The following PPIL2 variants were observed in gnomAD, a reference collection of about 807,000 sequenced individuals.
The protein encoded by PPIL2 is peptidylprolyl isomerase like 2, also known as RING-type E3 ubiquitin-protein ligase PPIL2.
In PPIL2, 50 loss-of-function variants were observed where a neutral mutation model predicts 75.2. The ratio of observed to expected loss-of-function variants is 0.66; its 90% CI spans 0.53 to 0.84. The LOEUF is 0.84. PPIL2 is among the 40% of genes least tolerant of loss of function. The pLI is 0.00. For synonymous variants in PPIL2, 245 were observed against 258.8 expected (o/e 0.95, Z 0.51); for missense variants, 590 against 685.0 (o/e 0.86, Z 1.55).
chr22:21,676,243 AGTGTGTGT>A lies in PPIL2; in HGVS notation c.295+1157_295+1164del, dbSNP rs36131221. Among the ~76,000 whole-genome samples the A allele has an allele frequency of 6.7e-4, 88 of 130,580 alleles. 1 individual carries two copies. Among genetic ancestry groups the A allele is most frequent in the Admixed American group, 2.7e-3 (35 of 13,086 alleles). 85.7% of individuals were successfully genotyped at this position (130,580 alleles called of 152,430 possible). On this transcript the variant is annotated intron_variant, in intron 6 of 19. Coordinates refer to ENST00000398831, the MANE Select transcript of PPIL2 (RefSeq NM_014337.4). ...GGCTGCCTCCCCTCCTGTGATCAGC[AGTGTGTGT>A]GTGTGTGTGTGTGTGTGTGTGTGTG...
chr22:21,682,243 G>A (rs1359373707), intron 7 of PPIL2, among the ~76,000 whole-genome samples, 194 bp from the exon 8 acceptor site: 3 of 152,166 alleles, frequency 2.0e-5, no homozygotes, highest in Non-Finnish European at 2.9e-5. Flanking sequence ...CTGGCTCATC[G>A]TCTGAGGCCC....
chr22:21,672,327 C>T lies in PPIL2; in HGVS notation c.192-3C>T. On this transcript the variant is annotated splice_region_variant and splice_polypyrimidine_tract_variant and intron_variant, in intron 4 of 19. Transcript: ENST00000398831. ...GATGCTTTCTGTTCTGTCTTCCCTT[C>T]AGGAACATTGTTCCATGGCTTAAGA... The T allele has an allele frequency of 6.2e-7, 1 of 1,610,962 alleles. No homozygotes were observed. Among genetic ancestry groups the T allele is most frequent in the South Asian group, 1.1e-5 (1 of 90,998 alleles).
intron 5 of PPIL2, among the ~76,000 whole-genome samples, chr22:21,674,618 T>C (rs1362797683): frequency 8.5e-5 from 13 of 152,130 alleles, no homozygotes; most frequent in Non-Finnish European, 2.9e-5. Flanking sequence ...GGAGAATCAC[T>C]TGAACTAGGG....
Position 21,696,018 on chromosome 22 carries a change from G to C in PPIL2, c.*528G>C. 1 of 551,706 alleles carries C rather than the reference G, an allele frequency of 1.8e-6. No individual in the cohort carries two copies. Among genetic ancestry groups the C allele is most frequent in the Non-Finnish European group, 2.3e-6 (1 of 428,426 alleles). The allele number at this position is 551,706 out of a possible 1,614,324, so 34.2% of individuals were successfully genotyped here. On this transcript the variant is annotated 3_prime_UTR_variant, in exon 20 of 20. Transcript: ENST00000398831. ...GTCTGGTTTTCTTACCCCTACTTCT[G>C]TCATCTTCTCAGGGACAGCCTATTT...
rs1470531468 is a variant in PPIL2 at position 21,695,601 on chromosome 22, C to G, written c.*111C>G. On this transcript the variant is annotated 3_prime_UTR_variant, in exon 20 of 20. Transcript: ENST00000398831. ...CCCTCTGCTGCCAGCCAATAAATTG[C>G]TTGCCTGCTGCCTGCATCCCCTTTC... 1.3e-6 allele frequency: 2 copies of G among 1,513,894 alleles called. No individual in the cohort carries two copies. Among genetic ancestry groups the G allele is most frequent in the African/African-American group, 2.8e-5 (2 of 72,142 alleles). The allele number at this position is 1,513,894 out of a possible 1,614,324, so 93.8% of individuals were successfully genotyped here.
Position 21,671,017 on chromosome 22 carries a change from T to C in PPIL2, c.149T>C (p.Val50Ala), listed in dbSNP as rs770915233. 1.9e-6 allele frequency: 3 copies of C among 1,613,202 alleles called. No individual in the cohort carries two copies. Among genetic ancestry groups the C allele is most frequent in the Non-Finnish European group, 2.5e-6 (3 of 1,179,202 alleles). Residue 50 changes from valine to alanine, a missense_variant, in exon 4 of 20, where the codon GTC becomes GCC. Coordinates refer to ENST00000398831, the MANE Select transcript of PPIL2 (RefSeq NM_014337.4). The part of the protein sequence containing the change: ...DHCSLSLQPF[V>A]YPVCTPDGIV... ...TTCAGTCTCTCTCTGCAGCCCTTTGTCTACCCAGTCTGCACTCCCGATGGC... is the reference window on the plus strand; with the variant it reads ...TTCAGTCTCTCTCTGCAGCCCTTTGCCTACCCAGTCTGCACTCCCGATGGC...
intron 1 of PPIL2, chr22:21,669,503 G>T (rs1328707823): frequency 1.1e-5 from 4 of 350,066 alleles, no homozygotes; most frequent in South Asian, 2.2e-5. Context: ...GTGTTTTTTT[G>T]TTTGTTTGTT....
At chr22:21,675,239 C>G in intron 6 of PPIL2, 124 bp downstream of exon 6, 1 of 946,510 alleles carries the variant, frequency 1.1e-6, no homozygotes, top group Non-Finnish European at 1.6e-6. Context: ...CTTTTAATTC[C>G]GCAAAAAGTG....
intron 1 of PPIL2, among the ~76,000 whole-genome samples, chr22:21,667,063 T>C (rs762142782): frequency 1.3e-5 from 2 of 151,574 alleles, no homozygotes. Flanking sequence ...TTTCACCTGC[T>C]CTTTGTTTTC....
chr22:21,673,219 T>C (rs1035688814), intron 5 of PPIL2, among the ~76,000 whole-genome samples: 1 of 152,216 alleles, frequency 6.6e-6, no homozygotes, highest in African/African-American at 2.4e-5. Context: ...ACTTGAAGAC[T>C]GTTTCTGTGA....
intron 7 of PPIL2, among the ~76,000 whole-genome samples, 159 bp downstream of exon 7, chr22:21,681,549 G>T (rs1296046945): frequency 1.3e-5 from 2 of 152,204 alleles, no homozygotes; most frequent in Admixed American, 6.5e-5. Flanking sequence ...CTCTGGCAGT[G>T]CAGCCTCCCC....
intron 10 of PPIL2, 103 bp from the exon 11 acceptor site, chr22:21,686,380 G>C: frequency 3.6e-6 from 4 of 1,120,978 alleles, no homozygotes; most frequent in Non-Finnish European, 5.4e-6. Context: ...AGCAGGGCCT[G>C]GGGGGCAGGG....
intron 3 of PPIL2, 130 bp from the exon 4 acceptor site, chr22:21,670,867 G>A (rs888786911): frequency 2.1e-6 from 2 of 963,234 alleles, no homozygotes; most frequent in Non-Finnish European, 3.4e-6. Context: ...GGTGAGAGAG[G>A]GAGGTGGCCA....
intron 6 of PPIL2, among the ~76,000 whole-genome samples, chr22:21,675,495 C>T (rs1172240109): frequency 6.6e-6 from 1 of 152,060 alleles, no homozygotes; most frequent in Non-Finnish European, 1.5e-5. Context: ...AAGATGGTGC[C>T]ACTGCACTCC....
chr22:21,674,764 T>G (rs938713202), intron 5 of PPIL2, among the ~76,000 whole-genome samples: 1 of 152,234 alleles, frequency 6.6e-6, no homozygotes, highest in African/African-American at 2.4e-5. Flanking sequence ...GTGCTCACCA[T>G]AAAGACGTCC....
intron 6 of PPIL2, among the ~76,000 whole-genome samples, chr22:21,680,631 C>T (rs2067074861): frequency 6.6e-6 from 1 of 151,878 alleles, no homozygotes; most frequent in East Asian, 1.9e-4. Flanking sequence ...AGATCGAGAC[C>T]ATCCTGGCTA....
At chr22:21,671,725 T>C (rs2066640863) in intron 4 of PPIL2, among the ~76,000 whole-genome samples, 1 of 152,164 alleles carries the variant, frequency 6.6e-6, no homozygotes. Context: ...AGTATAGTTT[T>C]TGATGCTAGC....
intron 15 of PPIL2, among the ~76,000 whole-genome samples, chr22:21,689,484 C>CT (rs539666837): frequency 0.11 from 16,622 of 151,932 alleles, 1,229 homozygotes; most frequent in Non-Finnish European, 0.16. Context: ...TGTAAATGGA[C>CT]TTTTTTTTTC....
intron 10 of PPIL2, 141 bp from the exon 11 acceptor site, chr22:21,686,342 G>T (rs1456272596): frequency 1.4e-6 from 1 of 737,414 alleles, no homozygotes; most frequent in Admixed American, 2.3e-5. Flanking sequence ...CTGCTGGTTG[G>T]GGAGGCCCTC....
Sources: gnomAD v4.1 joint callset for allele counts (sites outside exome capture counted in the v4.1 genomes callset) on GRCh38, gnomAD v4.1.1 for gene constraint, MANE v1.5 for transcripts, NCBI Gene and HGNC (gene_info 2026-07-23, HGNC 2026-07-21) for gene names.